The following RSU1 variants were observed in gnomAD, a reference collection of about 807,000 sequenced individuals.
RSU1 encodes rsu-1.
Under a neutral mutation model 31.1 loss-of-function variants are expected in RSU1, and 26 were observed. The ratio of observed to expected loss-of-function variants is 0.84; its 90% confidence interval spans 0.61 to 1.16. RSU1 has a LOEUF of 1.16. Among genes scored for constraint, RSU1 ranks in the 50% most tolerant of loss-of-function variants. The pLI, the probability that RSU1 is intolerant of heterozygous loss-of-function variation, is 0.00. For synonymous variants in RSU1, 164 were observed against 136.3 expected (o/e 1.20, Z -1.41); for missense variants, 320 against 339.1 (o/e 0.94, Z 0.44).
intron 8 of RSU1, among the ~76,000 whole-genome samples, chr10:16,647,490 C>T (rs952978317): frequency 6.6e-6 from 1 of 152,110 alleles, no homozygotes. Flanking sequence ...CAGAATAACC[C>T]AAATATCCAT....
In RSU1 at chr10:16,600,690, T is replaced by C. The variant is rs1263952031; in HGVS notation, c.732-7194A>G. ...GATCCTCCTGCCTCAGCCTCCCAAG[T>C]AGCTGGGGCTACAGGTGCAGATCAC... On this transcript the variant is annotated intron_variant, in intron 8 of 8. Transcript: ENST00000345264. Among the ~76,000 whole-genome samples the C allele has an allele frequency of 2.6e-5, 4 of 152,066 alleles. No individual in the cohort carries two copies. In the East Asian group the frequency reaches 7.8e-4, roughly 30 times the overall value.
chr10:16,661,001 T>C (rs1302915047), intron 8 of RSU1, among the ~76,000 whole-genome samples: 2 of 152,106 alleles, frequency 1.3e-5, no homozygotes, highest in East Asian at 3.9e-4. Context: ...TCTACTGAAA[T>C]TTTAATTGCA....
intron 7 of RSU1, among the ~76,000 whole-genome samples, chr10:16,698,064 G>T (rs1047309963): frequency 7.1e-6 from 1 of 140,594 alleles, no homozygotes; most frequent in Non-Finnish European, 1.5e-5. Flanking sequence ...CTACATTTGG[G>T]CACAGAGCAG....
At chr10:16,703,978 G>A (rs181740814) in intron 7 of RSU1, among the ~76,000 whole-genome samples, 230 of 136,426 alleles carry the variant, frequency 1.7e-3, no homozygotes, top group Admixed American at 4.8e-3. Flanking sequence ...AGTTTCATAG[G>A]TCTTGGGTGA....
rs116727536 is a variant in RSU1 at position 16,746,871 on chromosome 10, G to A, written c.598+5668C>T. On this transcript the variant is annotated intron_variant, in intron 7 of 8. Coordinates refer to ENST00000345264, the MANE Select transcript of RSU1 (RefSeq NM_012425.4). Reference sequence around the variant, plus strand: ...CGGCTGGCTGCTTTTTAGGAGTCTGGATGCTGGCTGAAAATACTGGGCAAA... The same window carrying A: ...CGGCTGGCTGCTTTTTAGGAGTCTGAATGCTGGCTGAAAATACTGGGCAAA... 2.5e-3 allele frequency among the ~76,000 whole-genome samples: 377 copies of A among 152,182 alleles called. 1 individual carries two copies. Among genetic ancestry groups the A allele is most frequent in the African/African-American group, 8.7e-3 (361 of 41,526 alleles).
chr10:16,807,960 T>G (rs1429159766), intron 2 of RSU1, among the ~76,000 whole-genome samples: 11 of 149,504 alleles, frequency 7.4e-5, no homozygotes, highest in Non-Finnish European at 1.5e-5. Context: ...GAGGCAGAGC[T>G]TGCAGCGAGC....
intron 8 of RSU1, among the ~76,000 whole-genome samples, chr10:16,667,085 A>T (rs981877390): frequency 1.3e-5 from 2 of 152,192 alleles, no homozygotes; most frequent in Non-Finnish European, 2.9e-5. Flanking sequence ...GTTATCTGTT[A>T]ATTACCACTG....
rs187188011 is a variant in RSU1, at chr10:16,751,022, C to T, written c.598+1517G>A. Among the ~76,000 whole-genome samples, 14 of 152,146 alleles carry T rather than the reference C, an allele frequency of 9.2e-5. No individual in the cohort carries two copies. The East Asian group carries it at 2.3e-3, about 25-fold the overall frequency. On this transcript the variant is annotated intron_variant, in intron 7 of 8. Coordinates refer to ENST00000345264, the MANE Select transcript of RSU1 (RefSeq NM_012425.4). ...CTGGGACTACAGGCATGCACCACCA[C>T]GTCCAGCTAATTTTTTGTACTTTTT...
chr10:16,684,642 A>G lies in RSU1; in HGVS notation c.731+10381T>C, dbSNP rs74986652. Among the ~76,000 whole-genome samples, 1,089 of 152,244 alleles carry G rather than the reference A, an allele frequency of 7.2e-3. 10 individuals are homozygous for G. The highest frequency in any genetic ancestry group is 0.012 in the Non-Finnish European group (832 of 68,014). On this transcript the variant is annotated intron_variant, in intron 8 of 8. Coordinates refer to ENST00000345264, the MANE Select transcript of RSU1 (RefSeq NM_012425.4). ...CCCTAACTGCCCTCAGAAAAAACCAATCCTGCTGACACCTTGATCTGGGAC... is the reference window on the plus strand; with the variant it reads ...CCCTAACTGCCCTCAGAAAAAACCAGTCCTGCTGACACCTTGATCTGGGAC...
chr10:16,675,356 A>C (rs1835208538), intron 8 of RSU1, among the ~76,000 whole-genome samples: 1 of 152,216 alleles, frequency 6.6e-6, no homozygotes, highest in South Asian at 2.1e-4. Context: ...ATTAAATGGT[A>C]TTCTACCTAG....
At chr10:16,775,794 T>C (rs1053107082) in intron 3 of RSU1, among the ~76,000 whole-genome samples, 4 of 152,226 alleles carry the variant, frequency 2.6e-5, no homozygotes, top group South Asian at 2.1e-4. Context: ...ATACTATGCA[T>C]ATTTTTTTAA....
intron 8 of RSU1, among the ~76,000 whole-genome samples, chr10:16,648,306 T>C (rs569231556): frequency 1.3e-5 from 2 of 152,176 alleles, no homozygotes; most frequent in South Asian, 2.1e-4. Context: ...TGAATCACTT[T>C]TGTCTTCCAT....
chr10:16,701,221 T>C (rs940025894), intron 7 of RSU1, among the ~76,000 whole-genome samples: 2 of 152,190 alleles, frequency 1.3e-5, no homozygotes, highest in African/African-American at 4.8e-5. Flanking sequence ...TAAAAGCACA[T>C]GGTGCACACT....
intron 7 of RSU1, among the ~76,000 whole-genome samples, chr10:16,698,202 C>T (rs1471699880): frequency 1.3e-5 from 2 of 151,782 alleles, no homozygotes; most frequent in Non-Finnish European, 2.9e-5. Flanking sequence ...GGAAGACTTG[C>T]TTGGGATAAT....
chr10:16,746,574 C>A lies in RSU1; in HGVS notation c.598+5965G>T, dbSNP rs577859563. ...ACAGAATCCAGATCTTCAGCTCACACAACAGCGGTCTCATCGGCAGGTGAG... is the reference window on the plus strand; with the variant it reads ...ACAGAATCCAGATCTTCAGCTCACAAAACAGCGGTCTCATCGGCAGGTGAG... On this transcript the variant is annotated intron_variant, in intron 7 of 8. Transcript: ENST00000345264. Among the ~76,000 whole-genome samples the A allele has an allele frequency of 1.6e-3, 242 of 151,674 alleles. 1 individual carries two copies. Among genetic ancestry groups the A allele is most frequent in the Non-Finnish European group, 1.1e-3 (73 of 67,974 alleles).
chr10:16,698,311 G>A (rs1835722726), intron 7 of RSU1, among the ~76,000 whole-genome samples: 1 of 152,096 alleles, frequency 6.6e-6, no homozygotes. Flanking sequence ...TATGTTATGA[G>A]TAAAGCTGGT....
At chr10:16,753,633 A>C (rs1466191274) in intron 5 of RSU1, among the ~76,000 whole-genome samples, 1 of 152,260 alleles carries the variant, frequency 6.6e-6, no homozygotes, top group Admixed American at 6.5e-5. Context: ...CTTAAGGAGA[A>C]TATCAGTAGT....
At chr10:16,729,076 A>G (rs1453369306) in intron 7 of RSU1, among the ~76,000 whole-genome samples, 1 of 152,228 alleles carries the variant, frequency 6.6e-6, no homozygotes, top group East Asian at 1.9e-4. Context: ...CCGCGTATTT[A>G]TCTCCATTAG....
chr10:16,612,542 G>C (rs1303860760), intron 8 of RSU1, among the ~76,000 whole-genome samples: 1 of 152,228 alleles, frequency 6.6e-6, no homozygotes, highest in Non-Finnish European at 1.5e-5. Context: ...CCCATTCACA[G>C]GCTAAGCTGT....
Sources: allele counts gnomAD v4.1 joint callset (sites outside exome capture counted in the v4.1 genomes callset), GRCh38; gene constraint gnomAD v4.1.1; transcripts MANE v1.5; gene names NCBI Gene and HGNC (gene_info 2026-07-23, HGNC 2026-07-21).